The following KCNK2 variants were observed in gnomAD, a reference collection of about 807,000 sequenced individuals.
The protein encoded by KCNK2 is potassium channel subfamily K member 2.
KCNK2 carries 21 observed loss-of-function variants against 40.5 expected under a neutral mutation model. The observed-to-expected ratio is 0.52, with a 90% CI of 0.37 to 0.75. KCNK2 has a LOEUF of 0.75. Among genes scored for constraint, KCNK2 ranks in the 30% least tolerant of loss-of-function variants. KCNK2 has a pLI of 0.00. For missense variants in KCNK2, 399 were observed against 531.6 expected, an observed-to-expected ratio of 0.75 and a Z score of 2.45; for synonymous variants, 191 against 202.2, an observed-to-expected ratio of 0.94 and a Z score of 0.47.
intron 5 of KCNK2, among the ~76,000 whole-genome samples, chr1:215,180,234 T>G (rs542317044): frequency 6.6e-6 from 1 of 152,322 alleles, no homozygotes; most frequent in African/African-American, 2.4e-5. Context: ...CCCTTTTCTT[T>G]GAGCCTAAGG....
At chr1:215,005,949 T>G (rs1187515959) in exon 1 of KCNK2, 3 of 1,612,960 alleles carry the variant, frequency 1.9e-6, no homozygotes, top group Non-Finnish European at 2.5e-6. Context: ...AAAAAGGGAT[T>G]TCTACTGTGA....
chr1:215,007,827 T>C (rs887123733), intron 1 of KCNK2, among the ~76,000 whole-genome samples: 2 of 152,208 alleles, frequency 1.3e-5, no homozygotes, highest in African/African-American at 4.8e-5. Context: ...TTATATTATA[T>C]AAATGTATAT....
At chr1:215,008,346 G>A (rs1656259579) in intron 1 of KCNK2, among the ~76,000 whole-genome samples, 2 of 151,998 alleles carry the variant, frequency 1.3e-5, no homozygotes, top group Non-Finnish European at 2.9e-5. Context: ...AATTTCTATA[G>A]CCAGAGCCAT....
intron 2 of KCNK2, among the ~76,000 whole-genome samples, chr1:215,092,180 G>C (rs1291754292): frequency 6.6e-6 from 1 of 152,094 alleles, no homozygotes; most frequent in Non-Finnish European, 1.5e-5. Context: ...ATCAGATTCT[G>C]GATGTATTTT....
At chr1:215,211,308 T>A (rs1305410957) in intron 6 of KCNK2, among the ~76,000 whole-genome samples, 3 of 152,112 alleles carry the variant, frequency 2.0e-5, no homozygotes, top group African/African-American at 4.8e-5. Context: ...TTGCACTGAC[T>A]GTTCCCTCTG....
upstream of KCNK2, among the ~76,000 whole-genome samples, chr1:215,080,518 A>G (rs903131115): frequency 6.6e-5 from 10 of 152,344 alleles, no homozygotes; most frequent in Admixed American, 5.9e-4. Flanking sequence ...AGGTGAATAT[A>G]AGAAAATGTC....
intron 6 of KCNK2, among the ~76,000 whole-genome samples, chr1:215,222,694 T>A (rs1666228502): frequency 1.3e-5 from 2 of 151,800 alleles, no homozygotes. Context: ...TCATGTACTG[T>A]TCTGTCAAGA....
chr1:215,154,698 G>T (rs1240130187), intron 3 of KCNK2, among the ~76,000 whole-genome samples: 1 of 152,056 alleles, frequency 6.6e-6, no homozygotes, highest in Non-Finnish European at 1.5e-5. Flanking sequence ...TTCTTCTAGG[G>T]TTTTTATGGT....
intron 2 of KCNK2, among the ~76,000 whole-genome samples, chr1:215,113,958 T>G (rs1660814080): frequency 6.6e-6 from 1 of 150,880 alleles, no homozygotes; most frequent in Non-Finnish European, 1.5e-5. Flanking sequence ...TCAAGTGTAG[T>G]TAGTCATCTC....
intron 6 of KCNK2, among the ~76,000 whole-genome samples, chr1:215,226,529 G>A (rs540309062): frequency 6.6e-6 from 1 of 152,186 alleles, no homozygotes; most frequent in African/African-American, 2.4e-5. Flanking sequence ...GTTTCACCAT[G>A]TTAGCCAGGA....
chr1:215,176,914 A>G (rs925890774), intron 5 of KCNK2, among the ~76,000 whole-genome samples: 6 of 152,210 alleles, frequency 3.9e-5, no homozygotes, highest in Admixed American at 3.9e-4. Context: ...GAATAATCAC[A>G]TTGTATTCTA....
intron 2 of KCNK2, among the ~76,000 whole-genome samples, chr1:215,102,554 T>G (rs1660267330): frequency 6.6e-6 from 1 of 152,016 alleles, no homozygotes; most frequent in African/African-American, 2.4e-5. Context: ...TTTAATGGAT[T>G]TAGTAGCCTA....
At chr1:215,105,726 C>A (rs1660407903) in intron 2 of KCNK2, among the ~76,000 whole-genome samples, 2 of 152,002 alleles carry the variant, frequency 1.3e-5, no homozygotes, top group African/African-American at 2.4e-5. Context: ...AGTTTTTTAA[C>A]CCCTGCCCTC....
chr1:215,184,389 T>A lies in KCNK2; in HGVS notation c.824-10564T>A, dbSNP rs192737245. On this transcript the variant is annotated intron_variant, in intron 5 of 6. Coordinates refer to ENST00000444842, the MANE Select transcript of KCNK2 (RefSeq NM_001017425.3). Reference sequence around the variant, plus strand: ...AACTAACAAGGCCTTATGGCAACTGTGGAATATATAGGTATTATGTGACAC... The same window carrying A: ...AACTAACAAGGCCTTATGGCAACTGAGGAATATATAGGTATTATGTGACAC... Among the ~76,000 whole-genome samples the A allele has an allele frequency of 4.2e-3, 635 of 152,284 alleles. 4 individuals are homozygous for A. The highest frequency in any genetic ancestry group is 0.015 in the African/African-American group (607 of 41,552).
chr1:215,223,483 G>A (rs1571749065), intron 6 of KCNK2, among the ~76,000 whole-genome samples: 1 of 152,028 alleles, frequency 6.6e-6, no homozygotes, highest in East Asian at 1.9e-4. Flanking sequence ...GGCAGGGTAA[G>A]CTCCATAGGA....
At chr1:215,197,532 G>A (rs1664914022) in intron 6 of KCNK2, among the ~76,000 whole-genome samples, 1 of 152,116 alleles carries the variant, frequency 6.6e-6, no homozygotes, top group Non-Finnish European at 1.5e-5. Flanking sequence ...TATCGGATTA[G>A]GGCCCCACTT....
chr1:215,157,171 T>A (rs1662970279), intron 3 of KCNK2, among the ~76,000 whole-genome samples: 1 of 152,174 alleles, frequency 6.6e-6, no homozygotes, highest in Admixed American at 6.5e-5. Context: ...CTATTAAAGA[T>A]AATTTCAAGC....
chr1:215,195,148 T>C, intron 6 of KCNK2, 56 bp downstream of exon 6: 1 of 1,244,848 alleles, frequency 8.0e-7, no homozygotes. Flanking sequence ...ATAAAGGTTA[T>C]TTTAAATTAT....
At chr1:215,058,448 A>G (rs1001525087) in intron 1 of KCNK2, among the ~76,000 whole-genome samples, 9 of 152,148 alleles carry the variant, frequency 5.9e-5, no homozygotes, top group Admixed American at 1.3e-4. Context: ...TCTCTCACCC[A>G]TCAATAATTC....
Sources: allele counts gnomAD v4.1 joint callset (sites outside exome capture counted in the v4.1 genomes callset), GRCh38; gene constraint gnomAD v4.1.1; transcripts MANE v1.5; gene names NCBI Gene and HGNC (gene_info 2026-07-23, HGNC 2026-07-21).